The following FGF12 variants were observed in gnomAD, a reference collection of about 807,000 sequenced individuals.
FGF12 encodes fibroblast growth factor 12.
A neutral mutation model predicts 23.6 loss-of-function variants in FGF12; 14 were observed. The observed-to-expected ratio is 0.59, with a 90% confidence interval of 0.39 to 0.93. The LOEUF is 0.93. Among genes scored for constraint, FGF12 ranks in the 40% least tolerant of loss-of-function variants. The probability of loss-of-function intolerance (pLI) is 0.00; values close to 1 mark genes in which losing one functional copy is unlikely to be tolerated. For synonymous variants in FGF12, 62 were observed against 77.3 expected, an observed-to-expected ratio of 0.80 and a Z score of 1.04; for missense variants, 175 against 217.8, an observed-to-expected ratio of 0.80 and a Z score of 1.24.
chr3:192,251,770 T>C (rs990053637), intron 4 of FGF12, among the ~76,000 whole-genome samples: 5 of 152,066 alleles, frequency 3.3e-5, no homozygotes, highest in African/African-American at 9.7e-5. Context: ...ATCCTATTTA[T>C]ATAAAGTTCA....
At chr3:192,184,810 C>T (rs1716365344) in intron 4 of FGF12, among the ~76,000 whole-genome samples, 1 of 152,208 alleles carries the variant, frequency 6.6e-6, no homozygotes, top group Admixed American at 6.5e-5. Context: ...GTTTTATCTA[C>T]CAATTTTCCC....
chr3:192,523,431 T>C lies in FGF12; in HGVS notation c.14-162893A>G, dbSNP rs939919942. The stretch of plus-strand genomic sequence containing the variant: ...TTAAATGGGAAGTCTTACATTTAGG[T>C]GACATTGGGAAAAATAGTTACTTCC... On this transcript the variant is annotated intron_variant, in intron 2 of 5. Coordinates refer to ENST00000445105, the MANE Select transcript of FGF12 (RefSeq NM_004113.6). 1.4e-4 allele frequency among the ~76,000 whole-genome samples: 22 copies of C among 152,328 alleles called. 1 individual carries two copies. Among genetic ancestry groups the C allele is most frequent in the Non-Finnish European group, 1.5e-5 (1 of 68,020 alleles).
chr3:192,516,016 G>T (rs1724657080), intron 2 of FGF12, among the ~76,000 whole-genome samples: 1 of 152,100 alleles, frequency 6.6e-6, no homozygotes, highest in Non-Finnish European at 1.5e-5. Context: ...GACAAGCAGC[G>T]TTAAGTTCAA....
At chr3:192,273,563 G>C (rs1713585480) in intron 4 of FGF12, among the ~76,000 whole-genome samples, 1 of 152,036 alleles carries the variant, frequency 6.6e-6, no homozygotes, top group Non-Finnish European at 1.5e-5. Flanking sequence ...TGGCATTATT[G>C]GTTGTTTGCA....
intron 2 of FGF12, among the ~76,000 whole-genome samples, chr3:192,646,093 C>CTTGAATACTGA (rs1353810508): frequency 6.6e-6 from 1 of 152,068 alleles, no homozygotes; most frequent in African/African-American, 2.4e-5. Flanking sequence ...GTTTTGTATT[C>CTTGAATACTGA]AAGATACTGA....
chr3:192,472,209 G>C (rs1410831465), intron 2 of FGF12, among the ~76,000 whole-genome samples: 1 of 152,014 alleles, frequency 6.6e-6, no homozygotes. Flanking sequence ...GTAGAGACGG[G>C]GTTTCACCAT....
At chr3:192,600,977 T>A (rs933455644) in intron 2 of FGF12, among the ~76,000 whole-genome samples, 3 of 152,050 alleles carry the variant, frequency 2.0e-5, no homozygotes, top group Non-Finnish European at 4.4e-5. Context: ...AAATTAGCAA[T>A]ATCAAAGAGA....
At chr3:192,155,267 C>T (rs774152219) in intron 5 of FGF12, among the ~76,000 whole-genome samples, 1 of 152,164 alleles carries the variant, frequency 6.6e-6, no homozygotes, top group Admixed American at 6.5e-5. Flanking sequence ...CAGAAATCAC[C>T]GGTCTTCTGC....
rs567858674 is a variant in FGF12, at chr3:192,226,887, T to G, written c.229-56231A>C. Among the ~76,000 whole-genome samples the G allele has an allele frequency of 2.6e-5, 4 of 151,970 alleles. No individual in the cohort carries two copies. In the East Asian group the frequency reaches 5.9e-4, roughly 22 times the overall value. The stretch of plus-strand genomic sequence containing the variant: ...TATATATATACTTCAAAACATCATG[T>G]TGCACTTGGTAAATATATTCAATAT... On this transcript the variant is annotated intron_variant, in intron 4 of 5. Coordinates refer to ENST00000445105, the MANE Select transcript of FGF12 (RefSeq NM_004113.6).
chr3:192,444,779 A>C (rs1410386444), intron 2 of FGF12, among the ~76,000 whole-genome samples: 1 of 152,164 alleles, frequency 6.6e-6, no homozygotes, highest in African/African-American at 2.4e-5. Flanking sequence ...GTTTAAGAGA[A>C]TTGTATTTTT....
chr3:192,711,354 T>A (rs906426593), intron 2 of FGF12, among the ~76,000 whole-genome samples: 1 of 151,122 alleles, frequency 6.6e-6, no homozygotes, highest in Non-Finnish European at 1.5e-5. Flanking sequence ...CCAGCCGCCG[T>A]CCCGTCCGGG....
chr3:192,700,181 C>T (rs1200238825), intron 2 of FGF12, among the ~76,000 whole-genome samples: 1 of 152,172 alleles, frequency 6.6e-6, no homozygotes, highest in Non-Finnish European at 1.5e-5. Context: ...ATTTTATATA[C>T]ATACTCTGTC....
chr3:192,567,738 TTTCTTTC>T (rs1283560516), intron 2 of FGF12, among the ~76,000 whole-genome samples: 42 of 45,842 alleles, frequency 9.2e-4, no homozygotes, highest in Non-Finnish European at 1.6e-3. Context: ...CATGTGTCTC[TTTCTTTC>T]TTTCTTTCTT....
intron 5 of FGF12, among the ~76,000 whole-genome samples, chr3:192,145,457 C>G (rs1178093889): frequency 6.6e-6 from 1 of 152,028 alleles, no homozygotes; most frequent in Non-Finnish European, 1.5e-5. Context: ...TAAATGTTAC[C>G]GTACATGGGA....
At chr3:192,567,887 C>A (rs1379029603) in intron 2 of FGF12, among the ~76,000 whole-genome samples, 3 of 150,670 alleles carry the variant, frequency 2.0e-5, no homozygotes, top group African/African-American at 7.3e-5. Flanking sequence ...GGCTGGAGTG[C>A]AGTGGCGCGA....
chr3:192,608,098 A>G (rs937378157), intron 2 of FGF12, among the ~76,000 whole-genome samples: 1 of 152,150 alleles, frequency 6.6e-6, no homozygotes, highest in African/African-American at 2.4e-5. Context: ...AAATTAAAAC[A>G]ATCGAACCTC....
At chr3:192,378,092 T>TTCTTTCTG (rs1719643182) in intron 2 of FGF12, among the ~76,000 whole-genome samples, 1 of 117,976 alleles carries the variant, frequency 8.5e-6, no homozygotes, top group Admixed American at 8.7e-5. Flanking sequence ...CTTTCTTTCT[T>TTCTTTCTG]TCTTCTTTCT....
chr3:192,434,166 C>A (rs1292063186), intron 2 of FGF12, among the ~76,000 whole-genome samples: 1 of 152,074 alleles, frequency 6.6e-6, no homozygotes, highest in Admixed American at 6.6e-5. Flanking sequence ...TAAAAAAACC[C>A]AGAAAACAAA....
chr3:192,455,223 G>A (rs1404316063), intron 2 of FGF12, among the ~76,000 whole-genome samples: 1 of 152,170 alleles, frequency 6.6e-6, no homozygotes, highest in Non-Finnish European at 1.5e-5. Context: ...CTCTTTGGAG[G>A]AGAAATACTG....
Sources: gnomAD v4.1 joint callset for allele counts (sites outside exome capture counted in the v4.1 genomes callset) on GRCh38, gnomAD v4.1.1 for gene constraint, MANE v1.5 for transcripts, NCBI Gene and HGNC (gene_info 2026-07-23, HGNC 2026-07-21) for gene names.